The following ATP2A2 variants were observed in gnomAD, a reference collection of about 807,000 sequenced individuals.
ATP2A2 encodes ATPase sarcoplasmic/endoplasmic reticulum Ca2+ transporting 2, also known as sarcoplasmic/endoplasmic reticulum calcium ATPase 2.
In ATP2A2, 14 loss-of-function variants were observed where a neutral mutation model predicts 109.3. The observed-to-expected ratio is 0.13, with a 90% CI of 0.08 to 0.20. The LOEUF (loss-of-function observed/expected upper bound fraction) is 0.20, where lower values mean the gene tolerates loss of function less well. ATP2A2 is among the 10% of genes least tolerant of loss of function. The pLI is 1.00. For missense variants in ATP2A2, 657 were observed against 1,321.6 expected, an observed-to-expected ratio of 0.50 and a Z score of 7.80; for synonymous variants, 506 against 490.9, an observed-to-expected ratio of 1.03 and a Z score of -0.41.
chr12:110,350,265 C>G lies in ATP2A2; in HGVS notation c.*3795C>G. On this transcript the variant is annotated 3_prime_UTR_variant, in exon 20 of 20. Coordinates refer to ENST00000539276, the MANE Select transcript of ATP2A2 (RefSeq NM_170665.4). Reference sequence around the variant, plus strand: ...CGTTTCCTCTCTGTATTTCATGAAGCTGATTTCCTCTCTCTTTCCTTTTCA... The same window carrying G: ...CGTTTCCTCTCTGTATTTCATGAAGGTGATTTCCTCTCTCTTTCCTTTTCA... 1 of 1,614,224 alleles carries G rather than the reference C, an allele frequency of 6.2e-7. No individual in the cohort carries two copies. Among genetic ancestry groups the G allele is most frequent in the Non-Finnish European group, 8.5e-7 (1 of 1,180,040 alleles).
intron 18 of ATP2A2, 26 bp from the exon 19 acceptor site, chr12:110,345,974 GT>G (rs1879814611): frequency 5.0e-6 from 8 of 1,611,620 alleles, no homozygotes; most frequent in Non-Finnish European, 6.8e-6. Context: ...TTGGGGGTGC[GT>G]TTCCCCACCT....
chr12:110,293,277 T>C (rs1174885471), intron 4 of ATP2A2, among the ~76,000 whole-genome samples: 1 of 151,338 alleles, frequency 6.6e-6, no homozygotes, highest in Non-Finnish European at 1.5e-5. Context: ...GGTTTCACCA[T>C]CAGGCTGGTC....
intron 5 of ATP2A2, among the ~76,000 whole-genome samples, chr12:110,318,368 A>T (rs958316256): frequency 1.3e-5 from 2 of 152,226 alleles, no homozygotes; most frequent in Non-Finnish European, 2.9e-5. Flanking sequence ...TCCTTAGAGA[A>T]GGCTACTTTT....
Position 110,350,669 on chromosome 12 carries a change from T to C in ATP2A2, c.*4199T>C, listed in dbSNP as rs896813871. ...TCATAGCTTATATAAATGTACAGTA[T>C]TCAATTGTAATGCATGCCTTCGGTT... On this transcript the variant is annotated 3_prime_UTR_variant, in exon 20 of 20. Coordinates refer to ENST00000539276, the MANE Select transcript of ATP2A2 (RefSeq NM_170665.4). 21 of 332,462 alleles carry C rather than the reference T, an allele frequency of 6.3e-5. No individual in the cohort carries two copies. The highest frequency in any genetic ancestry group is 1.1e-4 in the Non-Finnish European group (19 of 177,920). The allele number at this position is 332,462 out of a possible 1,614,324, so 20.6% of individuals were successfully genotyped here.
intron 16 of ATP2A2, 35 bp downstream of exon 16, chr12:110,343,469 A>G (rs1460474081): frequency 6.2e-7 from 1 of 1,609,096 alleles, no homozygotes; most frequent in Non-Finnish European, 8.5e-7. Flanking sequence ...TGATTTTTAA[A>G]CAAAATGTTT....
Position 110,349,757 on chromosome 12 carries a change from C to T in ATP2A2, c.*3287C>T. 1 of 1,016,142 alleles carries T rather than the reference C, an allele frequency of 9.8e-7. No individual in the cohort carries two copies. Among genetic ancestry groups the T allele is most frequent in the Non-Finnish European group, 1.2e-6 (1 of 847,318 alleles). 62.9% of individuals were successfully genotyped at this position (1,016,142 alleles called of 1,614,324 possible). On this transcript the variant is annotated 3_prime_UTR_variant, in exon 20 of 20. Transcript: ENST00000539276. Reference sequence around the variant, plus strand: ...CCAGCAGTTGCCCTGTGACTGTAACCACCAAATTGTCCAAACACCCGCTGC... The same window carrying T: ...CCAGCAGTTGCCCTGTGACTGTAACTACCAAATTGTCCAAACACCCGCTGC...
intron 5 of ATP2A2, among the ~76,000 whole-genome samples, chr12:110,299,499 T>G (rs1293617396): frequency 6.6e-6 from 1 of 152,208 alleles, no homozygotes; most frequent in African/African-American, 2.4e-5. Context: ...GGCACTCTTT[T>G]TAAAAAAGTT....
At position 110,318,534 on chromosome 12, in the gene ATP2A2, C is replaced by T. The variant is rs115610984; in HGVS notation, c.464-4458C>T. On this transcript the variant is annotated intron_variant, in intron 5 of 19. Transcript: ENST00000539276. ...CGCCCTTTCACCCAGGCTGGAGTGGCGCAACTTCGGCTCACTGCAACCTCC... is the reference window on the plus strand; with the variant it reads ...CGCCCTTTCACCCAGGCTGGAGTGGTGCAACTTCGGCTCACTGCAACCTCC... Among the ~76,000 whole-genome samples the T allele has an allele frequency of 5.9e-3, 897 of 152,236 alleles. 3 individuals are homozygous for T. The highest frequency in any genetic ancestry group is 0.021 in the African/African-American group (858 of 41,536).
Position 110,281,947 on chromosome 12 carries a change from C to T in ATP2A2, c.118+40C>T, listed in dbSNP as rs764826116. 16 of 1,507,128 alleles carry T rather than the reference C, an allele frequency of 1.1e-5. No homozygotes were observed. In the African/African-American group the frequency reaches 1.7e-4, roughly 16 times the overall value. The allele number at this position is 1,507,128 out of a possible 1,614,324, so 93.4% of individuals were successfully genotyped here. On this transcript the variant is annotated intron_variant, in intron 1 of 19. Transcript: ENST00000539276. The stretch of plus-strand genomic sequence containing the variant: ...CTCCGCTGCAGGGGCCCGGCGCGGC[C>T]GGGAGAGCCAGGGAAGATGGCTGAC...
chr12:110,296,453 C>G, intron 4 of ATP2A2, 146 bp from the exon 5 acceptor site: 1 of 1,031,436 alleles, frequency 9.7e-7, no homozygotes, highest in South Asian at 1.3e-5. Flanking sequence ...GTGTCTGTTG[C>G]CTTAGATGTG....
Position 110,290,739 on chromosome 12 carries a change from G to C in ATP2A2, c.220-1281G>C, listed in dbSNP as rs575768041. Among the ~76,000 whole-genome samples, 17 of 151,728 alleles carry C rather than the reference G, an allele frequency of 1.1e-4. 1 individual carries two copies. The highest frequency in any genetic ancestry group is 3.9e-4 in the African/African-American group (16 of 41,330). The stretch of plus-strand genomic sequence containing the variant: ...CCTGCCTCAGCTTCCCAACTAGCTA[G>C]GACTGCAGGTGTGCGCCACCACACC... On this transcript the variant is annotated intron_variant, in intron 3 of 19. Coordinates refer to ENST00000539276, the MANE Select transcript of ATP2A2 (RefSeq NM_170665.4).
At chr12:110,331,054 A>C (rs577575541) in intron 8 of ATP2A2, 1 of 151,924 alleles carries the variant, frequency 6.6e-6, no homozygotes, top group East Asian at 1.9e-4. Flanking sequence ...GACCAGCCTG[A>C]CTAACATGGT....
intron 5 of ATP2A2, among the ~76,000 whole-genome samples, chr12:110,297,128 G>A (rs1327368321): frequency 6.6e-6 from 1 of 152,050 alleles, no homozygotes; most frequent in Non-Finnish European, 1.5e-5. Context: ...CATGGTCAAG[G>A]GTAATTTCTT....
At chr12:110,319,356 A>T (rs1877013008) in intron 5 of ATP2A2, among the ~76,000 whole-genome samples, 1 of 151,488 alleles carries the variant, frequency 6.6e-6, no homozygotes, top group South Asian at 2.1e-4. Flanking sequence ...TTGCCACTTG[A>T]TTAGAATGGA....
At chr12:110,283,809 G>T (rs945920001) in intron 3 of ATP2A2, among the ~76,000 whole-genome samples, 2 of 152,124 alleles carry the variant, frequency 1.3e-5, no homozygotes, top group African/African-American at 4.8e-5. Flanking sequence ...ATATATGTAT[G>T]CAGGTCCCAG....
chr12:110,321,795 C>T (rs1177460235), intron 5 of ATP2A2, among the ~76,000 whole-genome samples: 1 of 152,118 alleles, frequency 6.6e-6, no homozygotes, highest in African/African-American at 2.4e-5. Flanking sequence ...GGGCTGGGCA[C>T]TATTCTCAAG....
intron 5 of ATP2A2, among the ~76,000 whole-genome samples, chr12:110,322,054 G>T (rs566336288): frequency 6.6e-6 from 1 of 151,658 alleles, no homozygotes; most frequent in Non-Finnish European, 1.5e-5. Context: ...GCAGTGGCGC[G>T]ATCTCAGCTC....
intron 16 of ATP2A2, 66 bp downstream of exon 16, chr12:110,343,500 T>A: frequency 6.4e-7 from 1 of 1,569,834 alleles, no homozygotes; most frequent in Non-Finnish European, 8.8e-7. Context: ...ATTTTGTAAA[T>A]TCATCCCTTA....
At position 110,347,609 on chromosome 12, in the gene ATP2A2, A is replaced by C. The variant is rs1880002387; in HGVS notation, c.*1139A>C. The C allele has an allele frequency of 8.2e-7, 1 of 1,221,838 alleles. No homozygotes were observed. Among genetic ancestry groups the C allele is most frequent in the African/African-American group, 1.6e-5 (1 of 63,668 alleles). The allele number at this position is 1,221,838 out of a possible 1,614,324, so 75.7% of individuals were successfully genotyped here. A position where few individuals can be genotyped will look rare whatever the true frequency, so the allele number is the denominator to read the frequency against. ...GTGTTTTGTAAAATCTGTAAATAGC[A>C]CATGACCAAATGAACATATTGTATA... On this transcript the variant is annotated 3_prime_UTR_variant, in exon 20 of 20. Transcript: ENST00000539276.
Sources: gnomAD v4.1 joint callset for allele counts (sites outside exome capture counted in the v4.1 genomes callset) on GRCh38, gnomAD v4.1.1 for gene constraint, MANE v1.5 for transcripts, NCBI Gene and HGNC (gene_info 2026-07-23, HGNC 2026-07-21) for gene names.